PXDNL: variants seen among roughly 807,000 people sequenced by gnomAD.
The protein encoded by PXDNL is probable oxidoreductase PXDNL.
Under a neutral mutation model 150.8 loss-of-function variants are expected in PXDNL, and 145 were observed. The ratio of observed to expected loss-of-function variants is 0.96; its 90% CI spans 0.84 to 1.10. The LOEUF (loss-of-function observed/expected upper bound fraction) is 1.10. Among genes scored for constraint, PXDNL ranks in the 50% least tolerant of loss-of-function variants. The pLI is 0.00. For synonymous variants in PXDNL, 757 were observed against 725.7 expected (o/e 1.04, Z -0.69); for missense variants, 2,087 against 1,873.9 (o/e 1.11, Z -2.10).
chr8:51,332,867 G>A (rs541436218), intron 21 of PXDNL, among the ~76,000 whole-genome samples: 9 of 152,136 alleles, frequency 5.9e-5, no homozygotes, highest in African/African-American at 1.2e-4. Context: ...AAGAATAATC[G>A]GTGTTCCTTA....
intron 1 of PXDNL, among the ~76,000 whole-genome samples, chr8:51,667,458 G>A (rs1218078452): frequency 6.6e-6 from 1 of 152,154 alleles, no homozygotes; most frequent in Non-Finnish European, 1.5e-5. Flanking sequence ...TGCACAAAAT[G>A]TATTTATCTA....
intron 18 of PXDNL, 125 bp downstream of exon 18, chr8:51,374,472 T>C (rs1345760431): frequency 2.3e-6 from 2 of 855,886 alleles, no homozygotes; most frequent in Non-Finnish European, 3.5e-6. Flanking sequence ...CCTAATGCTA[T>C]CTGATATTCA....
chr8:51,335,450 G>C (rs1301602316), intron 21 of PXDNL, among the ~76,000 whole-genome samples: 1 of 152,126 alleles, frequency 6.6e-6, no homozygotes, highest in African/African-American at 2.4e-5. Context: ...ACTGAGATGT[G>C]CTATGGCTTC....
chr8:51,524,761 C>T (rs1015789745), intron 4 of PXDNL, among the ~76,000 whole-genome samples: 2 of 152,064 alleles, frequency 1.3e-5, no homozygotes, highest in African/African-American at 4.8e-5. Flanking sequence ...TGCCTAGTTA[C>T]AGAATGGGAA....
chr8:51,698,221 T>C (rs1281984789), intron 1 of PXDNL, among the ~76,000 whole-genome samples: 2 of 152,276 alleles, frequency 1.3e-5, no homozygotes, highest in East Asian at 3.8e-4. Context: ...CTCTGTATCA[T>C]GCAATGCTGT....
intron 21 of PXDNL, among the ~76,000 whole-genome samples, chr8:51,325,372 C>T (rs1805450849): frequency 6.6e-6 from 1 of 152,190 alleles, no homozygotes; most frequent in African/African-American, 2.4e-5. Flanking sequence ...AGGGGTCCCA[C>T]ATCATTACTG....
intron 3 of PXDNL, among the ~76,000 whole-genome samples, chr8:51,562,287 C>T (rs890061694): frequency 2.6e-5 from 4 of 151,726 alleles, no homozygotes; most frequent in African/African-American, 9.7e-5. Flanking sequence ...TATTATGTTA[C>T]TTTTTATCTT....
chr8:51,728,677 G>T (rs1295638867), intron 1 of PXDNL, among the ~76,000 whole-genome samples: 2 of 152,100 alleles, frequency 1.3e-5, no homozygotes, highest in African/African-American at 2.4e-5. Flanking sequence ...AAATGTGTTT[G>T]TGTTTTAAGC....
chr8:51,732,579 A>G (rs1312781330), intron 1 of PXDNL, among the ~76,000 whole-genome samples: 5 of 152,196 alleles, frequency 3.3e-5, no homozygotes, highest in African/African-American at 1.2e-4. Context: ...ACCAGTACCA[A>G]TTTACTGTAT....
At chr8:51,541,155 G>A (rs1258402540) in intron 4 of PXDNL, among the ~76,000 whole-genome samples, 6 of 151,778 alleles carry the variant, frequency 4.0e-5, no homozygotes, top group Non-Finnish European at 8.8e-5. Flanking sequence ...CTACTCAGGA[G>A]GCTGAGGCAG....
Position 51,644,333 on chromosome 8 carries a change from TATATACACACACAC to T in PXDNL, c.236+10342_236+10355del, listed in dbSNP as rs1387105452. On this transcript the variant is annotated intron_variant, in intron 2 of 22. Transcript: ENST00000356297. Reference sequence around the variant, plus strand: ...AGGCACATTTTTACATATATATATATATATACACACACACACACACACACACACACATATGTATA... The same window carrying T: ...AGGCACATTTTTACATATATATATATACACACACACACACACATATGTATA... Among the ~76,000 whole-genome samples, 9 of 52,626 alleles carry T rather than the reference TATATACACACACAC, an allele frequency of 1.7e-4. 1 individual carries two copies. In the South Asian group the frequency reaches 7.2e-3, roughly 42 times the overall value. The allele number at this position is 52,626 out of a possible 152,430, so 34.5% of individuals were successfully genotyped here.
At chr8:51,615,712 A>G (rs10504124) in intron 2 of PXDNL, among the ~76,000 whole-genome samples, 33,552 of 152,160 alleles carry the variant, frequency 0.22, 3,890 homozygotes, top group Admixed American at 0.31. Context: ...TCCTTAAGAT[A>G]GATTTTACCA....
At chr8:51,496,948 T>C (rs1485263187) in intron 5 of PXDNL, among the ~76,000 whole-genome samples, 1 of 152,086 alleles carries the variant, frequency 6.6e-6, no homozygotes, top group African/African-American at 2.4e-5. Context: ...AAAGTTCATA[T>C]AGAACCAAAA....
chr8:51,801,882 T>C (rs1425351582), intron 1 of PXDNL, among the ~76,000 whole-genome samples: 2 of 152,204 alleles, frequency 1.3e-5, no homozygotes, highest in Non-Finnish European at 2.9e-5. Flanking sequence ...AAATCTACCT[T>C]TGGGGGACCT....
intron 13 of PXDNL, among the ~76,000 whole-genome samples, chr8:51,426,163 G>A (rs1222678815): frequency 6.6e-6 from 1 of 152,166 alleles, no homozygotes; most frequent in Non-Finnish European, 1.5e-5. Flanking sequence ...TCCAAAAGAT[G>A]TAAGATATAT....
At chr8:51,588,935 A>T (rs1196121458) in intron 3 of PXDNL, among the ~76,000 whole-genome samples, 3 of 152,182 alleles carry the variant, frequency 2.0e-5, no homozygotes, top group Non-Finnish European at 4.4e-5. Flanking sequence ...ATTCCATCCA[A>T]AATTCACTGA....
intron 19 of PXDNL, among the ~76,000 whole-genome samples, chr8:51,370,789 G>A (rs1449591273): frequency 2.0e-5 from 3 of 152,198 alleles, no homozygotes; most frequent in Non-Finnish European, 2.9e-5. Flanking sequence ...TGGAGATGGG[G>A]TTTCGCCATG....
At chr8:51,713,776 T>C (rs1816548054) in intron 1 of PXDNL, among the ~76,000 whole-genome samples, 1 of 152,230 alleles carries the variant, frequency 6.6e-6, no homozygotes, top group Non-Finnish European at 1.5e-5. Context: ...AAATCTGATT[T>C]ACTGTTGCAG....
intron 4 of PXDNL, among the ~76,000 whole-genome samples, chr8:51,533,213 C>A (rs529769271): frequency 3.7e-4 from 56 of 152,060 alleles, no homozygotes; most frequent in African/African-American, 1.3e-3. Flanking sequence ...CACAGTGGCG[C>A]AATCTCAGCT....
Sources: gnomAD v4.1 joint callset for allele counts (sites outside exome capture counted in the v4.1 genomes callset) on GRCh38, gnomAD v4.1.1 for gene constraint, MANE v1.5 for transcripts, NCBI Gene and HGNC (gene_info 2026-07-23, HGNC 2026-07-21) for gene names.